The following CAMSAP2 variants were observed in gnomAD, a reference collection of about 807,000 sequenced individuals.
CAMSAP2 encodes calmodulin-regulated spectrin-associated protein 2.
Under a neutral mutation model 146.1 loss-of-function variants are expected in CAMSAP2, and 26 were observed. The observed-to-expected ratio is 0.18, with a 90% CI of 0.13 to 0.25. The LOEUF (loss-of-function observed/expected upper bound fraction) is 0.25. CAMSAP2 is among the 10% of genes least tolerant of loss of function. CAMSAP2 has a pLI of 1.00. For missense variants in CAMSAP2, 1,381 were observed against 1,759.3 expected, an observed-to-expected ratio of 0.78 and a Z score of 3.85; for synonymous variants, 499 against 596.6, an observed-to-expected ratio of 0.84 and a Z score of 2.38.
At chr1:200,749,423 C>T (rs1664436147) in intron 1 of CAMSAP2, among the ~76,000 whole-genome samples, 1 of 143,864 alleles carries the variant, frequency 7.0e-6, no homozygotes, top group African/African-American at 2.7e-5. Context: ...GAATATCATG[C>T]TCATGTGTTC....
chr1:200,800,938 G>A (rs1374993793), intron 2 of CAMSAP2, among the ~76,000 whole-genome samples: 1 of 152,112 alleles, frequency 6.6e-6, no homozygotes, highest in African/African-American at 2.4e-5. Flanking sequence ...TAGTTTGACT[G>A]GATATGAAAT....
At chr1:200,820,519 G>T (rs1261547776) in intron 4 of CAMSAP2, among the ~76,000 whole-genome samples, 1 of 152,170 alleles carries the variant, frequency 6.6e-6, no homozygotes, top group African/African-American at 2.4e-5. Flanking sequence ...TCACTTTAAG[G>T]TGTATCTCAA....
At chr1:200,743,427 C>T (rs1361440332) in intron 1 of CAMSAP2, among the ~76,000 whole-genome samples, 1 of 152,082 alleles carries the variant, frequency 6.6e-6, no homozygotes, top group Non-Finnish European at 1.5e-5. Flanking sequence ...TAAGGTCTGA[C>T]TCTTGTGCAT....
Position 200,844,851 on chromosome 1 carries a change from G to A in CAMSAP2, c.1091G>A (p.Ser364Asn). 1 of 1,584,316 alleles carries A rather than the reference G, an allele frequency of 6.3e-7. No individual in the cohort carries two copies. The part of the protein sequence containing the change: ...NAAKRNVLDS[S>N]SDFPSSGEGA... ...GCCAAAAGAAATGTCTTAGATAGTA[G>A]TTCTGACTTCCCTTCAAGGTAAACT... The change falls in exon 8 of 17, where the codon AGT becomes AAT. Residue 364 changes from serine (S) to asparagine (N), a missense_variant. Transcript: ENST00000358823.
chr1:200,818,376 C>G (rs1666663657), intron 4 of CAMSAP2, among the ~76,000 whole-genome samples: 1 of 152,132 alleles, frequency 6.6e-6, no homozygotes, highest in Admixed American at 6.5e-5. Flanking sequence ...TAGCTCCATG[C>G]AGTTGCACGT....
At chr1:200,765,659 G>A (rs990198668) in intron 2 of CAMSAP2, among the ~76,000 whole-genome samples, 1 of 152,152 alleles carries the variant, frequency 6.6e-6, no homozygotes, top group African/African-American at 2.4e-5. Flanking sequence ...CTAACTTTAA[G>A]CAATAGATAC....
chr1:200,758,531 A>T (rs1571722224), intron 1 of CAMSAP2, among the ~76,000 whole-genome samples: 1 of 152,348 alleles, frequency 6.6e-6, no homozygotes, highest in Non-Finnish European at 1.5e-5. Flanking sequence ...CGAAGAAAGG[A>T]AAGTGTTTTC....
chr1:200,856,996 T>C (rs922806568), intron 15 of CAMSAP2, among the ~76,000 whole-genome samples: 1 of 152,178 alleles, frequency 6.6e-6, no homozygotes, highest in Non-Finnish European at 1.5e-5. Context: ...CATTCTACTC[T>C]AAGCTAACCA....
chr1:200,762,238 T>C (rs1235119562), intron 2 of CAMSAP2, among the ~76,000 whole-genome samples: 6 of 152,348 alleles, frequency 3.9e-5, no homozygotes, highest in Non-Finnish European at 7.3e-5. Flanking sequence ...ACTCTTTTAA[T>C]ATTTCTAAGT....
chr1:200,789,304 T>TA (rs1665683384), intron 2 of CAMSAP2, among the ~76,000 whole-genome samples: 1 of 152,206 alleles, frequency 6.6e-6, no homozygotes, highest in East Asian at 1.9e-4. Context: ...AGAAGTTTTA[T>TA]AGTTTTGTTG....
intron 2 of CAMSAP2, among the ~76,000 whole-genome samples, chr1:200,796,078 C>T (rs1476688123): frequency 6.6e-6 from 1 of 152,132 alleles, no homozygotes; most frequent in African/African-American, 2.4e-5. Flanking sequence ...GAAAGTCACC[C>T]CTCTTGCCAG....
chr1:200,817,373 A>G (rs1666632290), intron 4 of CAMSAP2, among the ~76,000 whole-genome samples: 6 of 151,900 alleles, frequency 3.9e-5, no homozygotes, highest in Admixed American at 3.9e-4. Flanking sequence ...TCTCAAACAG[A>G]CTTTTAGAAT....
chr1:200,755,468 C>T (rs1172879735), intron 1 of CAMSAP2, among the ~76,000 whole-genome samples: 1 of 152,110 alleles, frequency 6.6e-6, no homozygotes, highest in Non-Finnish European at 1.5e-5. Context: ...TTGTGACACC[C>T]AAGTGAAGAG....
chr1:200,809,799 ATTTC>A (rs1666277614), intron 3 of CAMSAP2, among the ~76,000 whole-genome samples: 1 of 152,214 alleles, frequency 6.6e-6, no homozygotes, highest in African/African-American at 2.4e-5. Flanking sequence ...AAAGGAATTT[ATTTC>A]TTATAGCTAT....
rs1667663686 is a variant in CAMSAP2, at chr1:200,853,031, G to C, written c.3603-244G>C. Among the ~76,000 whole-genome samples, 2 of 135,266 alleles carry C rather than the reference G, an allele frequency of 1.5e-5. No homozygotes were observed. 88.7% of individuals were successfully genotyped at this position (135,266 alleles called of 152,430 possible). A position where few individuals can be genotyped will look rare whatever the true frequency, so the allele number is the denominator to read the frequency against. On this transcript the variant is annotated intron_variant, in intron 12 of 16. Transcript: ENST00000358823. The surrounding 1 kb of genome is among the most constrained non-coding windows in gnomAD (Gnocchi z 5.1). ...CACACACACACACACACACACACAC[G>C]ACCTAAATTATCTCAAATACCTTTA...
intron 1 of CAMSAP2, among the ~76,000 whole-genome samples, chr1:200,749,955 A>G (rs576075184): frequency 6.6e-6 from 1 of 152,266 alleles, no homozygotes; most frequent in East Asian, 1.9e-4. Flanking sequence ...TGTGACTGGC[A>G]GGGATAGGAT....
chr1:200,791,506 A>G (rs1184897122), intron 2 of CAMSAP2, among the ~76,000 whole-genome samples: 1 of 152,084 alleles, frequency 6.6e-6, no homozygotes, highest in Non-Finnish European at 1.5e-5. Context: ...ATTGTCCCAC[A>G]CACAGGTCAC....
At chr1:200,819,943 C>T (rs1447377288) in intron 4 of CAMSAP2, among the ~76,000 whole-genome samples, 3 of 152,018 alleles carry the variant, frequency 2.0e-5, no homozygotes, top group Non-Finnish European at 4.4e-5. Flanking sequence ...AGTGAAGTCA[C>T]ATGTGGGAAT....
intron 2 of CAMSAP2, among the ~76,000 whole-genome samples, chr1:200,770,645 A>G (rs1665090128): frequency 6.6e-6 from 1 of 152,018 alleles, no homozygotes; most frequent in Non-Finnish European, 1.5e-5. Flanking sequence ...CAGTCTCCTG[A>G]CCTTGTGATC....
Sources: allele counts gnomAD v4.1 joint callset (sites outside exome capture counted in the v4.1 genomes callset), GRCh38; gene constraint gnomAD v4.1.1; non-coding constraint Gnocchi (gnomAD v3.1); transcripts MANE v1.5; gene names NCBI Gene and HGNC (gene_info 2026-07-23, HGNC 2026-07-21).